The following FOXA1 variants were observed in gnomAD, a reference collection of about 807,000 sequenced individuals.
FOXA1 encodes forkhead box A1.
Under a neutral mutation model 29.2 loss-of-function variants are expected in FOXA1, and 9 were observed. That is an observed-to-expected ratio of 0.31 (90% CI 0.19 to 0.54). FOXA1 has a LOEUF of 0.54. FOXA1 is among the 20% of genes least tolerant of loss of function. The probability of loss-of-function intolerance (pLI) is 0.95; values close to 1 mark genes in which losing one functional copy is unlikely to be tolerated. For synonymous variants in FOXA1, 340 were observed against 300.9 expected, an observed-to-expected ratio of 1.13 and a Z score of -1.34; for missense variants, 644 against 681.2, an observed-to-expected ratio of 0.95 and a Z score of 0.61.
chr14:37,594,992 A>G lies in FOXA1; in HGVS notation c.-20T>C. 1 of 1,572,092 alleles carries G rather than the reference A, an allele frequency of 6.4e-7. No individual in the cohort carries two copies. Among genetic ancestry groups the G allele is most frequent in the Non-Finnish European group, 8.7e-7 (1 of 1,153,048 alleles). On this transcript the variant is annotated 5_prime_UTR_variant, in exon 1 of 2. Coordinates refer to ENST00000250448, the MANE Select transcript of FOXA1 (RefSeq NM_004496.5). Reference sequence around the variant, plus strand: ...TAACATCCTGGAGCCACCCTGCCCAATACAACCATCCAGCCCTGTGCGAAG... The same window carrying G: ...TAACATCCTGGAGCCACCCTGCCCAGTACAACCATCCAGCCCTGTGCGAAG...
At chr14:37,594,158 T>C in intron 1 of FOXA1, 1 of 1,288,722 alleles carries the variant, frequency 7.8e-7, no homozygotes, top group Non-Finnish European at 1.0e-6. Flanking sequence ...TAATTAAACT[T>C]TTGGAGGGTA....
chr14:37,591,956 G>T lies in FOXA1; in HGVS notation c.828C>A (p.Gly276=), dbSNP rs749411524. The T allele has an allele frequency of 1.3e-6, 2 of 1,528,298 alleles. No homozygotes were observed. Among genetic ancestry groups the T allele is most frequent in the Non-Finnish European group, 1.8e-6 (2 of 1,141,104 alleles). 94.7% of individuals were successfully genotyped at this position (1,528,298 alleles called of 1,614,324 possible). A position where few individuals can be genotyped will look rare whatever the true frequency, so the allele number is the denominator to read the frequency against. The change falls in exon 2 of 2, where the codon GGC becomes GGA. Residue 276 remains glycine (G), a synonymous_variant. Coordinates refer to ENST00000250448, the MANE Select transcript of FOXA1 (RefSeq NM_004496.5). ...FKCEKQPGAG[G]GGGSGSGGSG... ...TGCCCCCGCTTCCGCTCCCGCCCCC[G>T]CCGCCGGCCCCCGGCTGCTTCTCGC... is the stretch of plus-strand genomic sequence containing the variant.
At position 37,590,405 on chromosome 14, in the gene FOXA1, C is replaced by T. The variant is rs1013179941; in HGVS notation, c.*960G>A. ...TCTCTCCTCCAACATTGTAATATTC[C>T]CTTTTACTGAAAAAAAAATTCTTTA... is the stretch of plus-strand genomic sequence containing the variant. On this transcript the variant is annotated 3_prime_UTR_variant, in exon 2 of 2. Coordinates refer to ENST00000250448, the MANE Select transcript of FOXA1 (RefSeq NM_004496.5). The T allele has an allele frequency of 2.2e-5, 5 of 229,108 alleles. No individual in the cohort carries two copies. The Admixed American group carries it at 2.3e-4, about 10-fold the overall frequency. The allele number at this position is 229,108 out of a possible 1,614,324, so 14.2% of individuals were successfully genotyped here. A position where few individuals can be genotyped will look rare whatever the true frequency, so the allele number is the denominator to read the frequency against.
At chr14:37,594,135 T>TG (rs2095599258) in intron 1 of FOXA1, 2 of 1,287,960 alleles carry the variant, frequency 1.6e-6, no homozygotes, top group Non-Finnish European at 2.0e-6. Flanking sequence ...CCAATACGCG[T>TG]TTTCAATAAT....
At chr14:37,594,141 A>G (rs1373210517) in intron 1 of FOXA1, 1 of 1,288,576 alleles carries the variant, frequency 7.8e-7, no homozygotes, top group East Asian at 5.6e-5. Flanking sequence ...CGCGTTTTCA[A>G]TAATGGTAAT....
At position 37,591,972 on chromosome 14, in the gene FOXA1, T is replaced by G. The variant is rs2139181506; in HGVS notation, c.812A>C (p.Gln271Pro). Residue 271 changes from glutamine to proline, a missense_variant, in exon 2 of 2, where the codon CAG becomes CCG. Gln to Pro is a moderately conservative substitution (Grantham distance 76). Coordinates refer to ENST00000250448, the MANE Select transcript of FOXA1 (RefSeq NM_004496.5). Reference sequence around the variant, plus strand: ...CCCGCCCCCGCCGCCGGCCCCCGGCTGCTTCTCGCACTTGAAGCGCTTCTG... The same window carrying G: ...CCCGCCCCCGCCGCCGGCCCCCGGCGGCTTCTCGCACTTGAAGCGCTTCTG... Reference protein sequence around the residue: ...RRQKRFKCEKQPGAGGGGGSG... With the variant: ...RRQKRFKCEKPPGAGGGGGSG... 1 of 1,564,926 alleles carries G rather than the reference T, an allele frequency of 6.4e-7. No individual in the cohort carries two copies. Among genetic ancestry groups the G allele is most frequent in the Non-Finnish European group, 8.6e-7 (1 of 1,159,074 alleles).
chr14:37,591,842 G>T lies in FOXA1; in HGVS notation c.942C>A (p.His314Gln). Residue 314 changes from histidine (H) to glutamine (Q), a missense_variant, in exon 2 of 2, where the codon CAC becomes CAA. Physicochemically the swap from His to Gln is conservative, Grantham distance 24. Transcript: ENST00000250448. The stretch of plus-strand genomic sequence containing the variant: ...CGCCCTCTAGCTGGCCGGTCTTCCC[G>T]TGCACACCCCGATGGAGGGGCGAGT... ...SADSPLHRGV[H>Q]GKTGQLEGAP... is the part of the protein sequence containing the mutation. 3 of 1,454,378 alleles carry T rather than the reference G, an allele frequency of 2.1e-6. No homozygotes were observed. Among genetic ancestry groups the T allele is most frequent in the Non-Finnish European group, 2.7e-6 (3 of 1,108,934 alleles). The allele number at this position is 1,454,378 out of a possible 1,614,324, so 90.1% of individuals were successfully genotyped here.
At position 37,591,551 on chromosome 14, in the gene FOXA1, C is replaced by T. The variant is rs2095595494; in HGVS notation, c.1233G>A (p.Gln411=). The T allele has an allele frequency of 6.2e-7, 1 of 1,614,248 alleles. No individual in the cohort carries two copies. The highest frequency in any genetic ancestry group is 8.5e-7 in the Non-Finnish European group (1 of 1,180,038). The change falls in exon 2 of 2, where the codon CAG becomes CAA. Residue 411 remains glutamine, a synonymous_variant. Coordinates refer to ENST00000250448, the MANE Select transcript of FOXA1 (RefSeq NM_004496.5). ...SINNLMSSSE[Q]QHKLDFKAYE... Reference sequence around the variant, plus strand: ...ATGCCTTGAAGTCCAGCTTATGCTGCTGCTCCGAGGAGGACATGAGGTTGT... The same window carrying T: ...ATGCCTTGAAGTCCAGCTTATGCTGTTGCTCCGAGGAGGACATGAGGTTGT...
intron 1 of FOXA1, 94 bp downstream of exon 1, chr14:37,594,807 T>C (rs1392424418): frequency 6.3e-6 from 6 of 948,784 alleles, no homozygotes; most frequent in Non-Finnish European, 8.2e-6. Flanking sequence ...CCGGCCCGCC[T>C]GCCTGCCTTG....
intron 1 of FOXA1, chr14:37,594,661 C>G (rs952960168): frequency 9.1e-6 from 2 of 220,600 alleles, no homozygotes; most frequent in Non-Finnish European, 1.7e-5. Context: ...TTTCAAAGCC[C>G]GGAGTTTCCT....
In FOXA1 at chr14:37,592,297, T is replaced by G. The variant is rs1271504221; in HGVS notation, c.487A>C (p.Lys163Gln). 1.2e-6 allele frequency: 2 copies of G among 1,610,516 alleles called. No homozygotes were observed. The highest frequency in any genetic ancestry group is 1.7e-6 in the Non-Finnish European group (2 of 1,178,264). The stretch of plus-strand genomic sequence containing the variant: ...GGCTTGGCGTGCGGGTAGCTGCGCT[T>G]GAACGTCTTGGCGTCGCCGCCGCCG... ...AGGGGDAKTF[K>Q]RSYPHAKPPY... Residue 163 changes from lysine to glutamine, a missense_variant, in exon 2 of 2, where the codon AAG (lysine) becomes CAG (glutamine). Around this residue, in one of 5 missense-constraint regions of FOXA1, gnomAD observed 309 missense variants for 307.0 expected, o/e 1.01. Transcript: ENST00000250448.
chr14:37,591,815 C>T lies in FOXA1; in HGVS notation c.969G>A (p.Ala323=), dbSNP rs911805778. The T allele has an allele frequency of 2.9e-5, 43 of 1,458,262 alleles. No individual in the cohort carries two copies. The highest frequency in any genetic ancestry group is 3.7e-5 in the Non-Finnish European group (41 of 1,109,842). The allele number at this position is 1,458,262 out of a possible 1,614,324, so 90.3% of individuals were successfully genotyped here. Residue 323 remains alanine, a synonymous_variant, in exon 2 of 2, where the codon GCG becomes GCA. Transcript: ENST00000250448. ...VHGKTGQLEG[A]PAPGPAASPQ... ...GGCTGGCGGCGGGCCCGGGGGCCGG[C>T]GCGCCCTCTAGCTGGCCGGTCTTCC...
Position 37,591,284 on chromosome 14 carries a change from T to G in FOXA1, c.*81A>C. 1 of 1,538,342 alleles carries G rather than the reference T, an allele frequency of 6.5e-7. No individual in the cohort carries two copies. The highest frequency in any genetic ancestry group is 1.7e-5 in the Admixed American group (1 of 59,596). Reference sequence around the variant, plus strand: ...TTTATTATGCTGTTGACGGTTTGGTTTGTGTGGTTTTGTTTGCTGTTGATT... The same window carrying G: ...TTTATTATGCTGTTGACGGTTTGGTGTGTGTGGTTTTGTTTGCTGTTGATT... On this transcript the variant is annotated 3_prime_UTR_variant, in exon 2 of 2. Coordinates refer to ENST00000250448, the MANE Select transcript of FOXA1 (RefSeq NM_004496.5).
At chr14:37,593,350 T>C (rs1336000481) in intron 1 of FOXA1, among the ~76,000 whole-genome samples, 1 of 152,196 alleles carries the variant, frequency 6.6e-6, no homozygotes, top group Non-Finnish European at 1.5e-5. Context: ...GCTATAATAA[T>C]CTCAAAGTGC....
At position 37,591,737 on chromosome 14, in the gene FOXA1, C is replaced by T. The variant is rs763720398; in HGVS notation, c.1047G>A (p.Leu349=). ...GATATGGASE[L]KTPASSTAPP... is the part of the protein sequence containing the mutation. ...GCGCAGTTGAGGAGGCTGGAGTCTT[C>T]AACTCCGAGGCGCCCCCTGTCGCCG... Residue 349 remains leucine, a synonymous_variant, in exon 2 of 2, where the codon TTG becomes TTA. Coordinates refer to ENST00000250448, the MANE Select transcript of FOXA1 (RefSeq NM_004496.5). 6.4e-7 allele frequency: 1 copy of T among 1,565,570 alleles called. No individual in the cohort carries two copies. The highest frequency in any genetic ancestry group is 8.7e-7 in the Non-Finnish European group (1 of 1,155,524).
At chr14:37,593,106 C>T (rs939066920) in intron 1 of FOXA1, among the ~76,000 whole-genome samples, 4 of 152,168 alleles carry the variant, frequency 2.6e-5, no homozygotes, top group Admixed American at 1.3e-4. Context: ...GTTGATAGAG[C>T]AAATCACCTA....
In FOXA1 at chr14:37,591,249, T is replaced by G; in HGVS notation, c.*116A>C. On this transcript the variant is annotated 3_prime_UTR_variant, in exon 2 of 2. Transcript: ENST00000250448. ...TGCATGAAAAATGAAATAAAAATAG[T>G]TGTTGGGATTTTATTATGCTGTTGA... 1.7e-6 allele frequency: 2 copies of G among 1,203,544 alleles called. No homozygotes were observed. The highest frequency in any genetic ancestry group is 2.4e-5 in the East Asian group (1 of 40,910). 74.6% of individuals were successfully genotyped at this position (1,203,544 alleles called of 1,614,324 possible). A position where few individuals can be genotyped will look rare whatever the true frequency, so the allele number is the denominator to read the frequency against.
At chr14:37,594,109 A>G in intron 1 of FOXA1, 1 of 1,281,220 alleles carries the variant, frequency 7.8e-7, no homozygotes, top group Non-Finnish European at 1.0e-6. Flanking sequence ...TCTTCCCAAG[A>G]TTATCCAAGG....
rs2095594975 is a variant in FOXA1 at position 37,591,110 on chromosome 14, A to G, written c.*255T>C. Reference sequence around the variant, plus strand: ...GAGAATTTCATATATACACTTGTGGATCATTAAACTTCGCAGGAAAAAAAT... The same window carrying G: ...GAGAATTTCATATATACACTTGTGGGTCATTAAACTTCGCAGGAAAAAAAT... On this transcript the variant is annotated 3_prime_UTR_variant, in exon 2 of 2. Coordinates refer to ENST00000250448, the MANE Select transcript of FOXA1 (RefSeq NM_004496.5). 1.8e-6 allele frequency: 1 copy of G among 552,844 alleles called. No homozygotes were observed. Among genetic ancestry groups the G allele is most frequent in the Non-Finnish European group, 3.2e-6 (1 of 307,930 alleles). The allele number at this position is 552,844 out of a possible 1,614,324, so 34.2% of individuals were successfully genotyped here.
Sources: allele counts gnomAD v4.1 joint callset (sites outside exome capture counted in the v4.1 genomes callset), GRCh38; gene constraint gnomAD v4.1.1; regional missense constraint gnomAD v4.1.1; transcripts MANE v1.5; gene names NCBI Gene and HGNC (gene_info 2026-07-23, HGNC 2026-07-21).